The following MSH4 variants were observed in gnomAD, a reference collection of about 807,000 sequenced individuals.
MSH4 encodes mutS protein homolog 4.
MSH4 carries 106 observed loss-of-function variants against 113.7 expected under a neutral mutation model. That is an observed-to-expected ratio of 0.93 (90% confidence interval 0.80 to 1.10). MSH4 has a LOEUF of 1.10. Ranked by LOEUF, MSH4 falls within the 50% of genes least tolerant of loss-of-function variation. The pLI is 0.00. For missense variants in MSH4, 1,061 were observed against 1,093.7 expected, an observed-to-expected ratio of 0.97 and a Z score of 0.42; for synonymous variants, 368 against 380.2, an observed-to-expected ratio of 0.97 and a Z score of 0.37.
chr1:75,902,671 A>ATGTGTG (rs1557532083), intron 19 of MSH4, among the ~76,000 whole-genome samples: 1 of 100,244 alleles, frequency 1.0e-5, no homozygotes, highest in African/African-American at 3.5e-5. Context: ...ATATATGTGT[A>ATGTGTG]TGTATATATA....
intron 5 of MSH4, among the ~76,000 whole-genome samples, chr1:75,815,718 G>C (rs1466961656): frequency 6.6e-6 from 1 of 152,128 alleles, no homozygotes; most frequent in Non-Finnish European, 1.5e-5. Context: ...ATTGAGATCT[G>C]ATTCTACCGT....
chr1:75,866,279 A>G (rs935806882), intron 8 of MSH4, among the ~76,000 whole-genome samples: 7 of 151,688 alleles, frequency 4.6e-5, no homozygotes, highest in African/African-American at 1.5e-4. Context: ...CTCCCACCTC[A>G]GCCTCTATGT....
At chr1:75,859,242 T>C (rs1651397241) in intron 8 of MSH4, among the ~76,000 whole-genome samples, 1 of 152,068 alleles carries the variant, frequency 6.6e-6, no homozygotes, top group Non-Finnish European at 1.5e-5. Flanking sequence ...TTTTGAAGGG[T>C]TTTTTGTGTC....
chr1:75,897,952 G>T lies in MSH4; in HGVS notation c.2401G>T (p.Asp801Tyr). The T allele has an allele frequency of 6.3e-7, 1 of 1,596,916 alleles. No individual in the cohort carries two copies. The highest frequency in any genetic ancestry group is 1.2e-5 in the South Asian group (1 of 86,934). ...ATHFLELCHI[D>Y]ALYPNVENMH... is the part of the protein sequence containing the mutation. The stretch of plus-strand genomic sequence containing the variant: ...ACATTTCCTGGAACTATGCCATATT[G>T]ATGCCCTGTATCCTAATGTAGAAAA... The change falls in exon 18 of 20, where the codon GAT becomes TAT. Residue 801 changes from aspartate (D) to tyrosine (Y), a missense_variant. Asp to Tyr is a radical substitution (Grantham distance 160). Coordinates refer to ENST00000263187, the MANE Select transcript of MSH4 (RefSeq NM_002440.4).
Position 75,878,251 on chromosome 1 carries a change from G to T in MSH4, c.1473G>T (p.Arg491Ser). The T allele has an allele frequency of 6.2e-7, 1 of 1,609,252 alleles. No individual in the cohort carries two copies. Among genetic ancestry groups the T allele is most frequent in the Non-Finnish European group, 8.5e-7 (1 of 1,178,780 alleles). Residue 491 changes from arginine to serine, a missense_variant, in exon 11 of 20, where the codon AGG (arginine) becomes AGT (serine). Coordinates refer to ENST00000263187, the MANE Select transcript of MSH4 (RefSeq NM_002440.4). ...NMRTQKCYAV[R>S]SNINEFLDIA... is the part of the protein sequence containing the mutation. ...GGACTCAGAAGTGCTATGCAGTGAG[G>T]TCTAACATAAATGAATTTCTTGACA...
chr1:75,861,137 T>A (rs943967485), intron 8 of MSH4, among the ~76,000 whole-genome samples: 4 of 149,060 alleles, frequency 2.7e-5, no homozygotes. Flanking sequence ...CTTCTCTACA[T>A]GGTTATTCTA....
intron 7 of MSH4, among the ~76,000 whole-genome samples, chr1:75,832,393 C>G (rs1435870499): frequency 4.6e-5 from 7 of 152,202 alleles, no homozygotes; most frequent in African/African-American, 1.7e-4. Flanking sequence ...TGAAATTATT[C>G]TGATCAATAG....
Position 75,881,191 on chromosome 1 carries a change from A to T in MSH4, c.1782-55A>T. On this transcript the variant is annotated intron_variant, in intron 13 of 19. Coordinates refer to ENST00000263187, the MANE Select transcript of MSH4 (RefSeq NM_002440.4). ...AATTTAATATTATTTTACGATTACAATGTATGTCCCTTTTGAAAAAACATT... is the reference window on the plus strand; with the variant it reads ...AATTTAATATTATTTTACGATTACATTGTATGTCCCTTTTGAAAAAACATT... 6 of 1,381,348 alleles carry T rather than the reference A, an allele frequency of 4.3e-6. No individual in the cohort carries two copies. The South Asian group carries it at 6.3e-5, about 15-fold the overall frequency. The allele number at this position is 1,381,348 out of a possible 1,614,324, so 85.6% of individuals were successfully genotyped here.
chr1:75,844,792 C>T (rs1164847692), intron 7 of MSH4, among the ~76,000 whole-genome samples: 1 of 152,062 alleles, frequency 6.6e-6, no homozygotes, highest in Non-Finnish European at 1.5e-5. Context: ...TTACACATTG[C>T]CATAGTCTAT....
intron 15 of MSH4, among the ~76,000 whole-genome samples, chr1:75,884,660 G>A (rs1470978343): frequency 1.3e-5 from 2 of 151,870 alleles, no homozygotes; most frequent in Non-Finnish European, 2.9e-5. Context: ...ACATAAGAAA[G>A]ATTTATTGAG....
At chr1:75,803,942 G>A (rs768957930) in intron 2 of MSH4, 29 bp downstream of exon 2, 1 of 1,403,832 alleles carries the variant, frequency 7.1e-7, no homozygotes, top group Non-Finnish European at 9.4e-7. Flanking sequence ...TAACCTAGAT[G>A]ATGTTTTGAA....
intron 8 of MSH4, among the ~76,000 whole-genome samples, chr1:75,853,059 G>C (rs1177994800): frequency 2.1e-5 from 2 of 93,714 alleles, no homozygotes; most frequent in Non-Finnish European, 5.3e-5. Context: ...ATTTTTCTTT[G>C]TTTGTTTGTT....
rs562455416 is a variant in MSH4 at position 75,828,711 on chromosome 1, T to C, written c.1162+6130T>C. Among the ~76,000 whole-genome samples, 112 of 152,284 alleles carry C rather than the reference T, an allele frequency of 7.4e-4. 1 individual carries two copies. Among genetic ancestry groups the C allele is most frequent in the African/African-American group, 2.5e-3 (105 of 41,544 alleles). ...AAACTATTGGGTACTATGTTTACTATCTGAGTGCTGGATTCAATCAAAGCC... is the reference window on the plus strand; with the variant it reads ...AAACTATTGGGTACTATGTTTACTACCTGAGTGCTGGATTCAATCAAAGCC... On this transcript the variant is annotated intron_variant, in intron 7 of 19. Coordinates refer to ENST00000263187, the MANE Select transcript of MSH4 (RefSeq NM_002440.4).
intron 1 of MSH4, among the ~76,000 whole-genome samples, chr1:75,801,938 A>G (rs1026734436): frequency 2.2e-4 from 33 of 151,510 alleles, no homozygotes; most frequent in African/African-American, 7.8e-4. Flanking sequence ...GGAGGCTGAG[A>G]TGGGAAGATC....
In MSH4 at chr1:75,800,457, C is replaced by T. The variant is rs551815386; in HGVS notation, c.244+3228C>T. 1.4e-4 allele frequency among the ~76,000 whole-genome samples: 22 copies of T among 151,762 alleles called. No homozygotes were observed. The South Asian group carries it at 1.7e-3, about 11-fold the overall frequency. ...TTCAGAAAGATTATTGGTGATGATTCGAAGAATAGATTAGAGAGGTGTAAT... is the reference window on the plus strand; with the variant it reads ...TTCAGAAAGATTATTGGTGATGATTTGAAGAATAGATTAGAGAGGTGTAAT... On this transcript the variant is annotated intron_variant, in intron 1 of 19. Transcript: ENST00000263187.
chr1:75,902,383 G>A (rs918844467), intron 19 of MSH4, among the ~76,000 whole-genome samples: 1 of 151,660 alleles, frequency 6.6e-6, no homozygotes, highest in African/African-American at 2.4e-5. Flanking sequence ...TGTCCCCAGT[G>A]ACAGTTATTT....
At position 75,807,102 on chromosome 1, in the gene MSH4, T is replaced by C. The variant is rs1280037167; in HGVS notation, c.549T>C (p.Ile183=). 6.3e-7 allele frequency: 1 copy of C among 1,578,758 alleles called. No individual in the cohort carries two copies. Among genetic ancestry groups the C allele is most frequent in the Non-Finnish European group, 8.5e-7 (1 of 1,169,930 alleles). ...GTATTGATTTAAAAAACCCCCAAATTATACTATCCCAGTTTGCAGACAACA... is the reference window on the plus strand; with the variant it reads ...GTATTGATTTAAAAAACCCCCAAATCATACTATCCCAGTTTGCAGACAACA... ...MASIDLKNPQ[I]ILSQFADNTT... The change falls in exon 3 of 20, where the codon ATT becomes ATC. Residue 183 remains isoleucine, a synonymous_variant. Coordinates refer to ENST00000263187, the MANE Select transcript of MSH4 (RefSeq NM_002440.4).
At chr1:75,899,548 C>T (rs1023243963) in intron 18 of MSH4, 70 bp from the exon 19 acceptor site, 1 of 780,588 alleles carries the variant, frequency 1.3e-6, no homozygotes, top group Non-Finnish European at 2.0e-6. Flanking sequence ...AAGATTAATA[C>T]TAGTTAAAAG....
intron 17 of MSH4, among the ~76,000 whole-genome samples, chr1:75,894,255 T>C (rs552823910): frequency 6.6e-6 from 1 of 152,174 alleles, no homozygotes; most frequent in East Asian, 1.9e-4. Flanking sequence ...AAGGACAAGG[T>C]GGAAAAGTTA....
Sources: gnomAD v4.1 joint callset for allele counts (sites outside exome capture counted in the v4.1 genomes callset) on GRCh38, gnomAD v4.1.1 for gene constraint, MANE v1.5 for transcripts, NCBI Gene and HGNC (gene_info 2026-07-23, HGNC 2026-07-21) for gene names.